BACH2: variants seen among roughly 807,000 people sequenced by gnomAD.
BACH2 encodes BACH transcriptional regulator 2.
Under a neutral mutation model 61.8 loss-of-function variants are expected in BACH2, and 5 were observed. The observed-to-expected ratio is 0.08, with a 90% CI of 0.04 to 0.17. The LOEUF (loss-of-function observed/expected upper bound fraction) is 0.17, where lower values mean the gene tolerates loss of function less well. BACH2 is among the 10% of genes least tolerant of loss of function. The probability of loss-of-function intolerance (pLI) is 1.00; values close to 1 mark genes in which losing one functional copy is unlikely to be tolerated. For missense variants in BACH2, 824 were observed against 1,091.1 expected (o/e 0.76, Z 3.45); for synonymous variants, 446 against 440.1 (o/e 1.01, Z -0.17).
chr6:90,180,319 G>A (rs541065348), intron 4 of BACH2, among the ~76,000 whole-genome samples: 22 of 152,206 alleles, frequency 1.4e-4, no homozygotes, highest in East Asian at 9.6e-4. Flanking sequence ...ATGTTTAAAT[G>A]TTTCTAAGTT....
At chr6:90,095,807 T>C (rs541620926) in intron 4 of BACH2, among the ~76,000 whole-genome samples, 6 of 152,236 alleles carry the variant, frequency 3.9e-5, no homozygotes, top group African/African-American at 1.4e-4. Flanking sequence ...GCCGCCTTCA[T>C]CATCTCCATT....
intron 4 of BACH2, among the ~76,000 whole-genome samples, chr6:90,090,278 G>A (rs1782107712): frequency 6.6e-6 from 1 of 151,444 alleles, no homozygotes; most frequent in Middle Eastern, 3.2e-3. Context: ...CTTTGTTATT[G>A]TAAATAACAC....
chr6:90,278,927 T>C (rs1051670566), intron 1 of BACH2, among the ~76,000 whole-genome samples: 2 of 152,232 alleles, frequency 1.3e-5, no homozygotes, highest in South Asian at 2.1e-4. Flanking sequence ...CAAATGTATC[T>C]TAATATTTAC....
At chr6:90,052,042 G>A (rs912807258) in intron 5 of BACH2, among the ~76,000 whole-genome samples, 1 of 152,106 alleles carries the variant, frequency 6.6e-6, no homozygotes, top group African/African-American at 2.4e-5. Context: ...ATTGTATTAT[G>A]ATCAGATAAT....
intron 2 of BACH2, among the ~76,000 whole-genome samples, chr6:90,262,375 T>C (rs1447680920): frequency 6.6e-6 from 1 of 152,194 alleles, no homozygotes; most frequent in Non-Finnish European, 1.5e-5. Context: ...TTCACCTATC[T>C]GTGGAGCCCC....
At chr6:90,296,081 T>A (rs1441120007) in intron 1 of BACH2, among the ~76,000 whole-genome samples, 1 of 152,144 alleles carries the variant, frequency 6.6e-6, no homozygotes, top group Non-Finnish European at 1.5e-5. Flanking sequence ...GCCGCGGGTC[T>A]GACAGCTGCT....
intron 8 of BACH2, among the ~76,000 whole-genome samples, 199 bp from the exon 9 acceptor site, chr6:89,933,089 GCC>G (rs1382847049): frequency 3.9e-5 from 6 of 152,084 alleles, no homozygotes; most frequent in Non-Finnish European, 8.8e-5. Context: ...TCCATCTGAT[GCC>G]AACACCTTCC....
intron 3 of BACH2, among the ~76,000 whole-genome samples, chr6:90,222,378 A>G (rs554421497): frequency 6.6e-6 from 1 of 152,360 alleles, no homozygotes; most frequent in South Asian, 2.1e-4. Context: ...CAAGGGACAC[A>G]GAGAAGAACA....
intron 5 of BACH2, among the ~76,000 whole-genome samples, chr6:90,070,263 A>T (rs1781161745): frequency 6.6e-6 from 1 of 152,116 alleles, no homozygotes; most frequent in Non-Finnish European, 1.5e-5. Context: ...GAAGTGAACA[A>T]TATCATTTCC....
intron 3 of BACH2, among the ~76,000 whole-genome samples, chr6:90,247,577 T>C (rs1188261752): frequency 2.0e-5 from 3 of 152,156 alleles, no homozygotes; most frequent in African/African-American, 4.8e-5. Context: ...TTAGTACCAT[T>C]ACTGCCTTAT....
chr6:90,242,406 T>C (rs764392985), intron 3 of BACH2, among the ~76,000 whole-genome samples: 1 of 152,252 alleles, frequency 6.6e-6, no homozygotes, highest in African/African-American at 2.4e-5. Flanking sequence ...TGTGTCTTTC[T>C]GTGGCTTCAT....
intron 3 of BACH2, among the ~76,000 whole-genome samples, chr6:90,212,953 G>C (rs749374091): frequency 6.6e-6 from 1 of 152,144 alleles, no homozygotes; most frequent in African/African-American, 2.4e-5. Flanking sequence ...GATAAGTCAG[G>C]ATATCTAATC....
Position 89,932,708 on chromosome 6 carries a change from G to C in BACH2, c.2226C>G (p.Ser742=). The change falls in exon 9 of 9, where the codon TCC becomes TCG. Residue 742 remains serine, a synonymous_variant. Coordinates refer to ENST00000257749, the MANE Select transcript of BACH2 (RefSeq NM_021813.4). ...CACCCAAGGGCGCAGGGTTAATACT[G>C]GAGGCCGTGGGCAAGTCCATGGGTC... ...VLRPMDLPTA[S]SINPAPLGAE... 1 of 1,614,186 alleles carries C rather than the reference G, an allele frequency of 6.2e-7. No individual in the cohort carries two copies. Among genetic ancestry groups the C allele is most frequent in the Non-Finnish European group, 8.5e-7 (1 of 1,180,018 alleles).
In BACH2 at chr6:90,002,683, T is replaced by C. The variant is rs202014546; in HGVS notation, c.243+5919A>G. ...TACTTGGGAGGCTGAGGCAGGAGAA[T>C]TGCTTGAACCTGGGAGGTGGAGGTG... On this transcript the variant is annotated intron_variant, in intron 6 of 8. Coordinates refer to ENST00000257749, the MANE Select transcript of BACH2 (RefSeq NM_021813.4). Among the ~76,000 whole-genome samples the C allele has an allele frequency of 1.1e-4, 17 of 152,262 alleles. No homozygotes were observed. In the East Asian group the frequency reaches 2.3e-3, roughly 21 times the overall value.
chr6:90,259,966 T>C (rs1453774787), intron 2 of BACH2, among the ~76,000 whole-genome samples: 1 of 152,068 alleles, frequency 6.6e-6, no homozygotes, highest in East Asian at 1.9e-4. Flanking sequence ...TGTTAGACTA[T>C]CTATGGGTTT....
intron 1 of BACH2, among the ~76,000 whole-genome samples, chr6:90,287,374 C>T (rs1274450711): frequency 5.3e-5 from 8 of 151,896 alleles, no homozygotes; most frequent in South Asian, 2.1e-4. Flanking sequence ...AAGTTGGATC[C>T]GCTGCTTTTT....
At chr6:90,158,424 C>A (rs534744737) in intron 4 of BACH2, among the ~76,000 whole-genome samples, 2 of 149,816 alleles carry the variant, frequency 1.3e-5, no homozygotes, top group African/African-American at 4.9e-5. Flanking sequence ...AGAAGAAAGG[C>A]AGGTGTGGGA....
intron 6 of BACH2, among the ~76,000 whole-genome samples, chr6:89,979,644 G>A (rs1022378470): frequency 3.9e-5 from 6 of 152,080 alleles, no homozygotes; most frequent in Admixed American, 3.3e-4. Context: ...CTTATACCTA[G>A]ACCATAGGAT....
chr6:90,012,405 G>A (rs1411251445), intron 5 of BACH2, among the ~76,000 whole-genome samples: 1 of 151,954 alleles, frequency 6.6e-6, no homozygotes, highest in Non-Finnish European at 1.5e-5. Flanking sequence ...TGAGGCAGGT[G>A]GATAACTTGA....
Sources: gnomAD v4.1 joint callset for allele counts (sites outside exome capture counted in the v4.1 genomes callset) on GRCh38, gnomAD v4.1.1 for gene constraint, MANE v1.5 for transcripts, NCBI Gene and HGNC (gene_info 2026-07-23, HGNC 2026-07-21) for gene names.